GALNT17: variants seen among roughly 807,000 people sequenced by gnomAD.
GALNT17 encodes UDP-GalNAc:polypeptide N-acetylgalactosaminyltransferase-like 3.
Under a neutral mutation model 63.7 loss-of-function variants are expected in GALNT17, and 29 were observed. The ratio of observed to expected loss-of-function variants is 0.46; its 90% confidence interval spans 0.34 to 0.62. The LOEUF (loss-of-function observed/expected upper bound fraction) is 0.62, where lower values mean the gene tolerates loss of function less well. Ranked by LOEUF, GALNT17 falls within the 20% of genes least tolerant of loss-of-function variation. The pLI, the probability that GALNT17 is intolerant of heterozygous loss-of-function variation, is 0.01. For synonymous variants in GALNT17, 305 were observed against 318.3 expected, an observed-to-expected ratio of 0.96 and a Z score of 0.45; for missense variants, 603 against 799.6, an observed-to-expected ratio of 0.75 and a Z score of 2.97.
chr7:71,195,862 C>A (rs1052038072), intron 1 of GALNT17, among the ~76,000 whole-genome samples: 1 of 151,928 alleles, frequency 6.6e-6, no homozygotes, highest in African/African-American at 2.4e-5. Flanking sequence ...ACCATTATTT[C>A]ATGAGTAGCC....
chr7:71,693,299 C>CAT (rs1327263888), intron 9 of GALNT17, among the ~76,000 whole-genome samples: 6,839 of 115,934 alleles, frequency 0.059, 427 homozygotes, highest in African/African-American at 0.09. Flanking sequence ...CACACACACA[C>CAT]ACACACACAC....
intron 1 of GALNT17, among the ~76,000 whole-genome samples, chr7:71,323,615 G>C (rs745331178): frequency 1.3e-5 from 2 of 152,142 alleles, no homozygotes; most frequent in Non-Finnish European, 2.9e-5. Flanking sequence ...CAAGATCATC[G>C]TACTGATATA....
chr7:71,679,434 A>G lies in GALNT17; in HGVS notation c.1500+2128A>G, dbSNP rs143593835. On this transcript the variant is annotated intron_variant, in intron 9 of 10. Coordinates refer to ENST00000333538, the MANE Select transcript of GALNT17 (RefSeq NM_022479.3). ...AATAAGTGCACGTCTTCATTCATTCATTCACTCAACTAATATGTCTTGATT... is the reference window on the plus strand; with the variant it reads ...AATAAGTGCACGTCTTCATTCATTCGTTCACTCAACTAATATGTCTTGATT... Among the ~76,000 whole-genome samples, 4 of 152,218 alleles carry G rather than the reference A, an allele frequency of 2.6e-5. No individual in the cohort carries two copies. In the East Asian group the frequency reaches 7.7e-4, roughly 29 times the overall value.
chr7:71,622,274 A>C (rs1790305282), intron 6 of GALNT17, among the ~76,000 whole-genome samples: 1 of 152,234 alleles, frequency 6.6e-6, no homozygotes, highest in South Asian at 2.1e-4. Context: ...CCATTGTATC[A>C]ATCAAATGTT....
intron 1 of GALNT17, among the ~76,000 whole-genome samples, chr7:71,231,002 A>G (rs796637994): frequency 1.3e-5 from 2 of 152,248 alleles, no homozygotes; most frequent in African/African-American, 2.4e-5. Context: ...TGATGCAGGA[A>G]CAAATTTGAG....
intron 3 of GALNT17, among the ~76,000 whole-genome samples, chr7:71,401,771 C>T (rs991453777): frequency 1.3e-5 from 2 of 152,152 alleles, no homozygotes; most frequent in Admixed American, 1.3e-4. Flanking sequence ...ATGGGATCAT[C>T]TAGTTGTAGA....
At chr7:71,466,415 C>G (rs10229218) in intron 5 of GALNT17, among the ~76,000 whole-genome samples, 40,672 of 152,062 alleles carry the variant, frequency 0.27, 7,370 homozygotes, top group East Asian at 0.55. Context: ...CTTCCAACTT[C>G]ACTCTGGTAT....
chr7:71,201,021 A>G (rs1339987683), intron 1 of GALNT17, among the ~76,000 whole-genome samples: 1 of 151,894 alleles, frequency 6.6e-6, no homozygotes, highest in Non-Finnish European at 1.5e-5. Context: ...CAATTCAGTT[A>G]TCTCTCTGCC....
chr7:71,692,670 A>G (rs1050059182), intron 9 of GALNT17, among the ~76,000 whole-genome samples: 2 of 152,150 alleles, frequency 1.3e-5, no homozygotes, highest in African/African-American at 4.8e-5. Flanking sequence ...CAAGCTACAT[A>G]AACAATTTTA....
At chr7:71,325,290 G>C (rs778584049) in intron 1 of GALNT17, among the ~76,000 whole-genome samples, 3 of 152,196 alleles carry the variant, frequency 2.0e-5, no homozygotes, top group Non-Finnish European at 4.4e-5. Context: ...CGGCAGGAGG[G>C]CTCTGGCCTC....
intron 1 of GALNT17, among the ~76,000 whole-genome samples, chr7:71,271,799 TC>T (rs1199591935): frequency 6.6e-6 from 1 of 152,126 alleles, no homozygotes; most frequent in Non-Finnish European, 1.5e-5. Flanking sequence ...TCACTCTGCC[TC>T]CCAGGCTGGA....
chr7:71,644,098 C>T (rs1790640841), intron 6 of GALNT17, among the ~76,000 whole-genome samples: 1 of 152,010 alleles, frequency 6.6e-6, no homozygotes, highest in African/African-American at 2.4e-5. Context: ...GAATAGGGTT[C>T]CTGTGTGCAT....
chr7:71,430,398 T>C (rs1563086892), intron 5 of GALNT17, among the ~76,000 whole-genome samples: 1 of 152,140 alleles, frequency 6.6e-6, no homozygotes, highest in Non-Finnish European at 1.5e-5. Flanking sequence ...ATCTGTACAC[T>C]TCTCTCCAGC....
intron 2 of GALNT17, 25 bp from the exon 3 acceptor site, chr7:71,388,210 G>A: frequency 6.2e-7 from 1 of 1,608,290 alleles, no homozygotes; most frequent in Admixed American, 1.7e-5. Context: ...CTCTGACTCT[G>A]CATTTCCGAT....
At chr7:71,449,103 A>ATTTTTTTTTTTTTT (rs1583963031) in intron 5 of GALNT17, among the ~76,000 whole-genome samples, 3 of 45,620 alleles carry the variant, frequency 6.6e-5, no homozygotes, top group African/African-American at 1.6e-4. Flanking sequence ...ACAGCTGCCT[A>ATTTTTTTTTTTTTT]TTTTCTTTTT....
At chr7:71,550,158 G>C (rs1175797459) in intron 5 of GALNT17, among the ~76,000 whole-genome samples, 1 of 151,838 alleles carries the variant, frequency 6.6e-6, no homozygotes, top group African/African-American at 2.4e-5. Context: ...CAGGTTCATT[G>C]TAAAGGCATG....
intron 6 of GALNT17, among the ~76,000 whole-genome samples, chr7:71,580,280 TGATA>T (rs1340466628): frequency 3.3e-5 from 5 of 151,940 alleles, no homozygotes; most frequent in East Asian, 3.9e-4. Context: ...ATTAGATAGA[TGATA>T]GATAAGATAC....
At chr7:71,595,450 A>G (rs1398368531) in intron 6 of GALNT17, among the ~76,000 whole-genome samples, 6 of 151,676 alleles carry the variant, frequency 4.0e-5, no homozygotes, top group Non-Finnish European at 5.9e-5. Flanking sequence ...AAAAAGATGC[A>G]AAGGAAAGTA....
At chr7:71,202,831 C>CT (rs1461097389) in intron 1 of GALNT17, among the ~76,000 whole-genome samples, 3 of 152,178 alleles carry the variant, frequency 2.0e-5, no homozygotes, top group African/African-American at 7.2e-5. Flanking sequence ...ATAAGTTTGA[C>CT]TTTTTTAGAT....
Sources: gnomAD v4.1 joint callset for allele counts (sites outside exome capture counted in the v4.1 genomes callset) on GRCh38, gnomAD v4.1.1 for gene constraint, MANE v1.5 for transcripts, NCBI Gene and HGNC (gene_info 2026-07-23, HGNC 2026-07-21) for gene names.